MCU: variants seen among roughly 807,000 people sequenced by gnomAD.
MCU encodes mitochondrial calcium uniporter.
A neutral mutation model predicts 45.2 loss-of-function variants in MCU; 12 were observed. The observed-to-expected ratio is 0.27, with a 90% CI of 0.17 to 0.43. The LOEUF is 0.43. Ranked by LOEUF, MCU falls within the 20% of genes least tolerant of loss-of-function variation. The pLI, the probability that MCU is intolerant of heterozygous loss-of-function variation, is 1.00. For synonymous variants in MCU, 160 were observed against 165.1 expected (o/e 0.97, Z 0.24); for missense variants, 324 against 436.7 (o/e 0.74, Z 2.30).
Position 72,748,614 on chromosome 10 carries a change from T to C in MCU, c.150+56313T>C, listed in dbSNP as rs11000407. 1.3e-3 allele frequency among the ~76,000 whole-genome samples: 197 copies of C among 152,224 alleles called. 4 individuals are homozygous for C. The East Asian group carries it at 0.033, about 26-fold the overall frequency. ...GGAGAATCATTTGAACCCAGGAGTT[T>C]GAGACCAGCCTAGGCAACATAGCAA... On this transcript the variant is annotated intron_variant, in intron 1 of 7. Transcript: ENST00000373053.
intron 6 of MCU, among the ~76,000 whole-genome samples, chr10:72,875,142 A>G (rs1845599415): frequency 6.6e-6 from 1 of 152,198 alleles, no homozygotes; most frequent in Non-Finnish European, 1.5e-5. Context: ...CAAGGAATTG[A>G]ATCCAGATTT....
intron 2 of MCU, among the ~76,000 whole-genome samples, chr10:72,853,331 A>T (rs1167873033): frequency 6.6e-6 from 1 of 152,208 alleles, no homozygotes; most frequent in South Asian, 2.1e-4. Flanking sequence ...TGCAACTTCT[A>T]GAGGTGAAAA....
At chr10:72,882,373 T>C (rs1845716406) in intron 6 of MCU, among the ~76,000 whole-genome samples, 3 of 152,138 alleles carry the variant, frequency 2.0e-5, no homozygotes, top group South Asian at 2.1e-4. Context: ...GTGAGCCAGG[T>C]GGAACAGAGC....
At chr10:72,778,100 A>G (rs556828597) in intron 1 of MCU, among the ~76,000 whole-genome samples, 4 of 152,336 alleles carry the variant, frequency 2.6e-5, no homozygotes, top group Non-Finnish European at 4.4e-5. Flanking sequence ...TACAGCCACT[A>G]TGGAGAACAA....
At chr10:72,719,390 A>G (rs1237855202) in intron 1 of MCU, among the ~76,000 whole-genome samples, 1 of 152,212 alleles carries the variant, frequency 6.6e-6, no homozygotes, top group Non-Finnish European at 1.5e-5. Context: ...AGATGCCCCA[A>G]AGAAGGACAT....
chr10:72,706,864 C>T (rs1842828304), intron 1 of MCU, among the ~76,000 whole-genome samples: 1 of 143,550 alleles, frequency 7.0e-6, no homozygotes, highest in Non-Finnish European at 1.5e-5. Flanking sequence ...CAGTCTCACT[C>T]TGTCGCCCAG....
chr10:72,775,483 A>G (rs1478363700), intron 1 of MCU, among the ~76,000 whole-genome samples: 1 of 152,138 alleles, frequency 6.6e-6, no homozygotes, highest in African/African-American at 2.4e-5. Flanking sequence ...AGAACTAGAA[A>G]TGGAAGACCA....
intron 1 of MCU, among the ~76,000 whole-genome samples, chr10:72,801,399 T>C (rs1257112806): frequency 2.0e-5 from 3 of 150,008 alleles, no homozygotes; most frequent in Non-Finnish European, 4.4e-5. Flanking sequence ...AAGTTAGTAA[T>C]TGGTTCTGTT....
At chr10:72,743,498 C>T (rs1288066413) in intron 1 of MCU, among the ~76,000 whole-genome samples, 14 of 149,502 alleles carry the variant, frequency 9.4e-5, no homozygotes, top group African/African-American at 3.0e-4. Flanking sequence ...AGAATTCATT[C>T]CTTTATTCAT....
chr10:72,815,355 T>C (rs779757108), intron 1 of MCU, among the ~76,000 whole-genome samples: 1 of 152,204 alleles, frequency 6.6e-6, no homozygotes, highest in Non-Finnish European at 1.5e-5. Context: ...AGAGGTATAA[T>C]AGGAGAAAAA....
At chr10:72,766,659 T>C (rs1843731122) in intron 1 of MCU, 1 of 152,234 alleles carries the variant, frequency 6.6e-6, no homozygotes. Flanking sequence ...GCCCATTTCT[T>C]GGTACTTGCA....
At position 72,703,298 on chromosome 10, in the gene MCU, C is replaced by G. The variant is rs572016396; in HGVS notation, c.150+10997C>G. ...TATCCTCATTTTATAGATAGTGAAACTAAGTTACCCACTGAGTTAAATGAT... is the reference window on the plus strand; with the variant it reads ...TATCCTCATTTTATAGATAGTGAAAGTAAGTTACCCACTGAGTTAAATGAT... On this transcript the variant is annotated intron_variant, in intron 1 of 7. Transcript: ENST00000373053. Among the ~76,000 whole-genome samples the G allele has an allele frequency of 2.6e-5, 4 of 152,282 alleles. No homozygotes were observed. In the East Asian group the frequency reaches 7.7e-4, roughly 29 times the overall value.
At chr10:72,880,260 C>T (rs529464836) in intron 6 of MCU, among the ~76,000 whole-genome samples, 1 of 152,236 alleles carries the variant, frequency 6.6e-6, no homozygotes, top group Admixed American at 6.5e-5. Context: ...AAAACTGACA[C>T]TTACAGATTT....
chr10:72,701,274 C>G (rs1842755878), intron 1 of MCU, among the ~76,000 whole-genome samples: 1 of 152,180 alleles, frequency 6.6e-6, no homozygotes, highest in Admixed American at 6.6e-5. Flanking sequence ...TTAATTTTTA[C>G]TATAACCCTA....
intron 1 of MCU, among the ~76,000 whole-genome samples, chr10:72,759,483 C>G (rs973411287): frequency 7.2e-5 from 11 of 152,084 alleles, no homozygotes; most frequent in Non-Finnish European, 1.3e-4. Context: ...TTAGTTTTTA[C>G]TTTTTCTTTC....
At chr10:72,858,059 G>A (rs1845319715) in intron 2 of MCU, among the ~76,000 whole-genome samples, 1 of 152,184 alleles carries the variant, frequency 6.6e-6, no homozygotes, top group African/African-American at 2.4e-5. Context: ...TCTCATAAAG[G>A]TTGCAGGCTG....
intron 6 of MCU, among the ~76,000 whole-genome samples, chr10:72,873,514 T>C (rs1043270282): frequency 5.3e-5 from 8 of 152,220 alleles, no homozygotes; most frequent in Admixed American, 6.5e-5. Flanking sequence ...TCCTGTGTCA[T>C]ATGAATAGCT....
intron 4 of MCU, among the ~76,000 whole-genome samples, chr10:72,861,408 A>G (rs1473975468): frequency 6.6e-6 from 1 of 151,808 alleles, no homozygotes; most frequent in East Asian, 1.9e-4. Context: ...GGTAATCAAG[A>G]TAAAGAATTG....
chr10:72,871,307 C>T lies in MCU; in HGVS notation c.658-70C>T, dbSNP rs969398396. On this transcript the variant is annotated intron_variant, in intron 5 of 7. Transcript: ENST00000373053. ...TGATGAGCCCTGTTTCTTTAGTGAA[C>T]ATAGAACAGTTTAAGCCTTTTTAGA... 2.0e-5 allele frequency: 28 copies of T among 1,379,556 alleles called. No individual in the cohort carries two copies. In the Admixed American group the frequency reaches 4.7e-4, roughly 23 times the overall value. 85.5% of individuals were successfully genotyped at this position (1,379,556 alleles called of 1,614,324 possible).
Sources: allele counts gnomAD v4.1 joint callset (sites outside exome capture counted in the v4.1 genomes callset), GRCh38; gene constraint gnomAD v4.1.1; transcripts MANE v1.5; gene names NCBI Gene and HGNC (gene_info 2026-07-23, HGNC 2026-07-21).